The following TRPM8 variants were observed in gnomAD, a reference collection of about 807,000 sequenced individuals.
TRPM8 encodes the protein TRPM8 cationic channel.
A neutral mutation model predicts 133.7 loss-of-function variants in TRPM8; 110 were observed. That is an observed-to-expected ratio of 0.82 (90% CI 0.70 to 0.96). The LOEUF (loss-of-function observed/expected upper bound fraction) is 0.96, where lower values mean the gene tolerates loss of function less well. Among genes scored for constraint, TRPM8 ranks in the 40% least tolerant of loss-of-function variants. TRPM8 has a pLI of 0.00. For missense variants in TRPM8, 1,291 were observed against 1,379.5 expected, an observed-to-expected ratio of 0.94 and a Z score of 1.02; for synonymous variants, 535 against 532.3, an observed-to-expected ratio of 1.01 and a Z score of -0.07.
intron 10 of TRPM8, 101 bp downstream of exon 10, chr2:233,954,120 A>G: frequency 1.3e-6 from 1 of 747,224 alleles, no homozygotes; most frequent in Non-Finnish European, 2.1e-6. Context: ...TTGAAAGGCA[A>G]GCTTGTACTT....
chr2:233,982,916 T>G, intron 19 of TRPM8, 137 bp from the exon 20 acceptor site: 1 of 884,048 alleles, frequency 1.1e-6, no homozygotes, highest in Non-Finnish European at 1.8e-6. Context: ...AATTAGTCAG[T>G]GAACTCTGGG....
At chr2:233,947,207 A>G (rs747340593) in intron 8 of TRPM8, 52 bp downstream of exon 8, 3 of 1,607,802 alleles carry the variant, frequency 1.9e-6, no homozygotes, top group Non-Finnish European at 2.6e-6. Context: ...CTATCCAACA[A>G]ATTTGTATTT....
rs28901603 is a variant in TRPM8, at chr2:233,923,253, G to A, written c.-5-3280G>A. ...TTTTGCTTGGCAGCAGACCCAGTGA[G>A]GTTTTTATTGTGAAGACTCAAATCT... On this transcript the variant is annotated intron_variant, in intron 1 of 25. Transcript: ENST00000324695. Among the ~76,000 whole-genome samples the A allele has an allele frequency of 7.0e-3, 1,069 of 152,270 alleles. 19 individuals are homozygous for A. The highest frequency in any genetic ancestry group is 0.023 in the African/African-American group (951 of 41,524).
chr2:233,997,130 G>T (rs1460219307), intron 22 of TRPM8, among the ~76,000 whole-genome samples: 1 of 152,032 alleles, frequency 6.6e-6, no homozygotes, highest in African/African-American at 2.4e-5. Flanking sequence ...GCCGGGTGTG[G>T]TGGTGTGTGC....
intron 8 of TRPM8, chr2:233,947,425 T>A: frequency 1.4e-6 from 2 of 1,454,258 alleles, no homozygotes; most frequent in Non-Finnish European, 1.8e-6. Flanking sequence ...TTGACATTAA[T>A]TCGGGAGACT....
Position 233,981,869 on chromosome 2 carries a change from C to T in TRPM8, c.2543C>T (p.Thr848Ile). ...IFTLRLIHIF[T>I]VSRNLGPKII... ...ACTCTAAGATTGATCCACATTTTTA[C>T]TGTAAGCAGAAACTTAGGACCCAAG... The change falls in exon 19 of 26, where the codon ACT becomes ATT. Residue 848 changes from threonine to isoleucine, a missense_variant. Around this residue, in one of 2 missense-constraint regions of TRPM8, gnomAD observed 328 missense variants for 410.6 expected, o/e 0.80. Coordinates refer to ENST00000324695, the MANE Select transcript of TRPM8 (RefSeq NM_024080.5). 6.2e-7 allele frequency: 1 copy of T among 1,613,688 alleles called. No individual in the cohort carries two copies. Among genetic ancestry groups the T allele is most frequent in the Non-Finnish European group, 8.5e-7 (1 of 1,179,924 alleles).
In TRPM8 at chr2:233,961,612, CTTCTT is replaced by C. The variant is rs1175402298; in HGVS notation, c.1653+564_1653+568del. Among the ~76,000 whole-genome samples the C allele has an allele frequency of 1.7e-4, 23 of 135,036 alleles. No individual in the cohort carries two copies. In the South Asian group the frequency reaches 2.6e-3, roughly 15 times the overall value. 88.6% of individuals were successfully genotyped at this position (135,036 alleles called of 152,430 possible). On this transcript the variant is annotated intron_variant, in intron 12 of 25. Coordinates refer to ENST00000324695, the MANE Select transcript of TRPM8 (RefSeq NM_024080.5). ...AGCCACCGTGCCCGGCCTCTTTTTT[CTTCTT>C]TTCTTTTCTTTTCTTTTTTTTTTTT... is the stretch of plus-strand genomic sequence containing the variant.
At position 233,964,697 on chromosome 2, in the gene TRPM8, G is replaced by A. The variant is rs370999195; in HGVS notation, c.1819G>A (p.Asp607Asn). 4 of 1,612,658 alleles carry A rather than the reference G, an allele frequency of 2.5e-6. No homozygotes were observed. Among genetic ancestry groups the A allele is most frequent in the Non-Finnish European group, 3.4e-6 (4 of 1,179,082 alleles). The change falls in exon 14 of 26, where the codon GAC (aspartate) becomes AAC (asparagine). Residue 607 changes from aspartate to asparagine, a missense_variant. Asp to Asn is a conservative substitution (Grantham distance 23, BLOSUM62 1). Around this residue, in one of 2 missense-constraint regions of TRPM8, gnomAD observed 963 missense variants for 968.9 expected, o/e 0.99. Transcript: ENST00000324695. ...LLKTLAKVKNDINAAGESEEL... is the reference protein window; with the variant it reads ...LLKTLAKVKNNINAAGESEEL... ...GAAGACTCTGGCCAAAGTGAAGAACGACATCAATGCTGCTGGGGAGTCCGA... is the reference window on the plus strand; with the variant it reads ...GAAGACTCTGGCCAAAGTGAAGAACAACATCAATGCTGCTGGGGAGTCCGA...
chr2:233,974,885 G>C (rs28902193), intron 17 of TRPM8, among the ~76,000 whole-genome samples: 4 of 149,068 alleles, frequency 2.7e-5, no homozygotes, highest in South Asian at 4.2e-4. Flanking sequence ...GAGAGAGAGA[G>C]ACAGAGAGAG....
intron 1 of TRPM8, among the ~76,000 whole-genome samples, chr2:233,925,692 G>T (rs532785481): frequency 1.3e-5 from 2 of 152,212 alleles, no homozygotes; most frequent in Non-Finnish European, 2.9e-5. Flanking sequence ...GGAGCTTGGA[G>T]CCAGGAGGAG....
chr2:233,959,208 T>C (rs1298229012), intron 11 of TRPM8, among the ~76,000 whole-genome samples: 1 of 151,886 alleles, frequency 6.6e-6, no homozygotes, highest in Admixed American at 6.6e-5. Context: ...GTGTTATTAG[T>C]AGAGACGAGG....
rs1204390892 is a variant in TRPM8, at chr2:233,989,044, A to G, written c.2939+3179A>G. On this transcript the variant is annotated intron_variant, in intron 21 of 25. Coordinates refer to ENST00000324695, the MANE Select transcript of TRPM8 (RefSeq NM_024080.5). The surrounding 1 kb of genome is among the most constrained non-coding windows in gnomAD (Gnocchi z 4.2). Reference sequence around the variant, plus strand: ...ACAGACATTAAACAAAAAGACCAACAGCTCCTAAAACCATGGCCTTTGAGT... The same window carrying G: ...ACAGACATTAAACAAAAAGACCAACGGCTCCTAAAACCATGGCCTTTGAGT... Among the ~76,000 whole-genome samples the G allele has an allele frequency of 6.6e-6, 1 of 152,222 alleles. No individual in the cohort carries two copies. The highest frequency in any genetic ancestry group is 1.5e-5 in the Non-Finnish European group (1 of 68,038).
chr2:233,937,705 C>T (rs1388681136), intron 4 of TRPM8, among the ~76,000 whole-genome samples, 196 bp downstream of exon 4: 4 of 152,160 alleles, frequency 2.6e-5, no homozygotes, highest in Non-Finnish European at 5.9e-5. Flanking sequence ...GAAAACTCAA[C>T]AGGTTAAGGA....
At chr2:233,998,707 C>T (rs189872711) in intron 22 of TRPM8, among the ~76,000 whole-genome samples, 8 of 148,752 alleles carry the variant, frequency 5.4e-5, no homozygotes, top group South Asian at 2.2e-4. Context: ...TAGGGTGAGC[C>T]GCCTGTGCCC....
At chr2:233,984,463 G>T (rs536746306) in intron 20 of TRPM8, among the ~76,000 whole-genome samples, 3 of 152,222 alleles carry the variant, frequency 2.0e-5, no homozygotes, top group Admixed American at 6.5e-5. Flanking sequence ...CCACACAGTT[G>T]TGTGAACAGA....
intron 17 of TRPM8, among the ~76,000 whole-genome samples, chr2:233,972,428 C>A (rs1490933315): frequency 6.6e-6 from 1 of 152,266 alleles, no homozygotes; most frequent in Non-Finnish European, 1.5e-5. Context: ...CGCACCGCGG[C>A]TGCAGGTGGA....
chr2:233,991,572 C>T (rs1692278999), intron 21 of TRPM8, among the ~76,000 whole-genome samples: 1 of 152,142 alleles, frequency 6.6e-6, no homozygotes, highest in Admixed American at 6.5e-5. Flanking sequence ...GAGGAGGTGT[C>T]CATCTGATAG....
At chr2:233,925,836 G>A (rs1433744419) in intron 1 of TRPM8, among the ~76,000 whole-genome samples, 4 of 152,084 alleles carry the variant, frequency 2.6e-5, no homozygotes, top group African/African-American at 9.7e-5. Flanking sequence ...TTAGACTTTG[G>A]GAGACGAGGG....
In TRPM8 at chr2:234,006,932, A is replaced by AGCC. The variant is rs1228515367; in HGVS notation, c.3211_3213dup (p.Ala1071dup). 1 of 1,613,672 alleles carries AGCC rather than the reference A, an allele frequency of 6.2e-7. No individual in the cohort carries two copies. Among genetic ancestry groups the AGCC allele is most frequent in the Non-Finnish European group, 8.5e-7 (1 of 1,179,754 alleles). ...ACTACCTTGTCAAGATCAACACAAA[A>AGCC]GCCAACGACACCTCAGAGGAGTATG... is the stretch of plus-strand genomic sequence containing the variant. On this transcript the variant is annotated inframe_insertion, in exon 23 of 26. Coordinates refer to ENST00000324695, the MANE Select transcript of TRPM8 (RefSeq NM_024080.5).
Sources: gnomAD v4.1 joint callset for allele counts (sites outside exome capture counted in the v4.1 genomes callset) on GRCh38, gnomAD v4.1.1 for gene constraint, gnomAD v4.1.1 regional missense constraint, Gnocchi (gnomAD v3.1) non-coding constraint, MANE v1.5 for transcripts, NCBI Gene and HGNC (gene_info 2026-07-23, HGNC 2026-07-21) for gene names.